KIF13A: variants seen among roughly 807,000 people sequenced by gnomAD.
KIF13A encodes kinesin family member 13A, also known as kinesin-like protein KIF13A.
In KIF13A, 79 loss-of-function variants were observed where a neutral mutation model predicts 212.2. The ratio of observed to expected loss-of-function variants is 0.37; its 90% CI spans 0.31 to 0.45. KIF13A has a LOEUF of 0.45. Among genes scored for constraint, KIF13A ranks in the 20% least tolerant of loss-of-function variants. KIF13A has a pLI of 1.00. For synonymous variants in KIF13A, 789 were observed against 808.6 expected, an observed-to-expected ratio of 0.98 and a Z score of 0.41; for missense variants, 1,901 against 2,209.0, an observed-to-expected ratio of 0.86 and a Z score of 2.79.
rs144218809 is a variant in KIF13A at position 17,968,689 on chromosome 6, T to A, written c.146+18365A>T. 3.7e-3 allele frequency among the ~76,000 whole-genome samples: 564 copies of A among 152,340 alleles called. 1 individual carries two copies. Among genetic ancestry groups the A allele is most frequent in the African/African-American group, 0.013 (525 of 41,582 alleles). ...AACCATTACTTATCTCATGTAGTCC[T>A]AAGCAGCTACAGCCTCTGCCTGTCA... is the stretch of plus-strand genomic sequence containing the variant. On this transcript the variant is annotated intron_variant, in intron 2 of 38. Transcript: ENST00000259711. This position sits in a 1 kb window ranked among gnomAD's most constrained non-coding sequence, Gnocchi z 4.7.
At chr6:17,760,821 G>A (rs544363587), downstream of KIF13A, 27 of 1,611,112 alleles carry the variant, frequency 1.7e-5, no homozygotes, top group African/African-American at 3.1e-4. Context: ...GAACAAAGAC[G>A]CCAAGCTGTG....
At chr6:17,975,102 G>A (rs1029931956) in intron 2 of KIF13A, among the ~76,000 whole-genome samples, 3 of 152,104 alleles carry the variant, frequency 2.0e-5, no homozygotes, top group African/African-American at 7.2e-5. Flanking sequence ...CCAGAACTTT[G>A]AGAGAAAGAG....
chr6:17,949,815 C>T (rs1439776590), intron 2 of KIF13A, among the ~76,000 whole-genome samples: 2 of 151,902 alleles, frequency 1.3e-5, no homozygotes, highest in Non-Finnish European at 2.9e-5. Flanking sequence ...AGTTTTTAAG[C>T]CTAAAGAATG....
intron 2 of KIF13A, among the ~76,000 whole-genome samples, chr6:17,959,725 T>A (rs1017675088): frequency 6.6e-6 from 1 of 152,216 alleles, no homozygotes; most frequent in Non-Finnish European, 1.5e-5. Flanking sequence ...CCTTATTCAA[T>A]TAAAAGCTAT....
chr6:17,759,530 A>T (rs1003085194), downstream of KIF13A: 29 of 152,206 alleles, frequency 1.9e-4, no homozygotes, highest in African/African-American at 6.8e-4. Flanking sequence ...TTGCTCTCAC[A>T]ACACATTTAT....
chr6:17,784,651 A>T (rs1760894434), intron 28 of KIF13A, among the ~76,000 whole-genome samples: 2 of 152,180 alleles, frequency 1.3e-5, no homozygotes, highest in African/African-American at 4.8e-5. Context: ...AACACTTTAC[A>T]CGAGAGAGAC....
intron 4 of KIF13A, among the ~76,000 whole-genome samples, chr6:17,860,889 A>T (rs1768705186): frequency 1.3e-5 from 2 of 152,182 alleles, no homozygotes; most frequent in Admixed American, 1.3e-4. Flanking sequence ...ATGCGTCAAC[A>T]CACTATGTAG....
Position 17,773,480 on chromosome 6 carries a change from T to C in KIF13A, c.4322A>G (p.Glu1441Gly). Residue 1441 changes from glutamate (E) to glycine (G), a missense_variant and splice_region_variant, in exon 36 of 39, where the codon GAA becomes GGA. Transcript: ENST00000259711. This position sits in a 1 kb window ranked among gnomAD's most constrained non-coding sequence, Gnocchi z 4.2. ...LPRDSPRRNK[E>G]GCTSETPHAL... ...CTGCAAAATAATCTCACCACTACCT[T>C]CTTTATTCCTTCGAGGAGAATCCCT... 1.3e-6 allele frequency: 2 copies of C among 1,556,904 alleles called. No individual in the cohort carries two copies. The highest frequency in any genetic ancestry group is 2.2e-5 in the South Asian group (2 of 89,544).
At chr6:17,830,459 CTTTT>C (rs59573286) in intron 13 of KIF13A, among the ~76,000 whole-genome samples, 2 of 151,894 alleles carry the variant, frequency 1.3e-5, no homozygotes, top group African/African-American at 2.4e-5. Context: ...GTCCTTGATA[CTTTT>C]TTTAAGAGTG....
chr6:17,805,416 T>G, intron 19 of KIF13A, 59 bp downstream of exon 19: 2 of 1,337,726 alleles, frequency 1.5e-6, no homozygotes, highest in Non-Finnish European at 2.1e-6. Flanking sequence ...TGTTGCTAAA[T>G]CGCTTATATT....
At chr6:17,973,856 G>A (rs947736207) in intron 2 of KIF13A, among the ~76,000 whole-genome samples, 1 of 152,134 alleles carries the variant, frequency 6.6e-6, no homozygotes, top group African/African-American at 2.4e-5. Flanking sequence ...CATCATTACA[G>A]GACTGGAAAC....
intron 2 of KIF13A, among the ~76,000 whole-genome samples, chr6:17,903,924 G>A (rs2150491699): frequency 6.6e-6 from 1 of 151,938 alleles, no homozygotes; most frequent in Non-Finnish European, 1.5e-5. Context: ...CACTTGAGGT[G>A]GGAGGATCAC....
chr6:17,780,076 C>G (rs1383809726), intron 31 of KIF13A, among the ~76,000 whole-genome samples: 1 of 152,164 alleles, frequency 6.6e-6, no homozygotes, highest in African/African-American at 2.4e-5. Flanking sequence ...ATTGTAGAAG[C>G]ATTACAAGTT....
At chr6:17,958,167 G>A (rs2150581879) in intron 2 of KIF13A, among the ~76,000 whole-genome samples, 1 of 152,270 alleles carries the variant, frequency 6.6e-6, no homozygotes. Context: ...CAGGCACAAG[G>A]AGGGTTTTAC....
intron 4 of KIF13A, among the ~76,000 whole-genome samples, chr6:17,864,398 T>A (rs184957208): frequency 6.6e-6 from 1 of 152,168 alleles, no homozygotes; most frequent in East Asian, 1.9e-4. Context: ...CATAACACAA[T>A]GTCAGAACAA....
At chr6:17,891,755 CCT>C in intron 3 of KIF13A, among the ~76,000 whole-genome samples, 1 of 152,140 alleles carries the variant, frequency 6.6e-6, no homozygotes, top group Admixed American at 6.6e-5. Flanking sequence ...TCGGTGAGAC[CCT>C]GTCTCTTAAA....
At chr6:17,907,938 G>A (rs1048753169) in intron 2 of KIF13A, among the ~76,000 whole-genome samples, 4 of 152,164 alleles carry the variant, frequency 2.6e-5, no homozygotes, top group African/African-American at 9.7e-5. Flanking sequence ...AGACTCAAGC[G>A]TGAATGTAAG....
intron 6 of KIF13A, among the ~76,000 whole-genome samples, chr6:17,854,888 C>A (rs1252294642): frequency 1.3e-5 from 2 of 151,890 alleles, no homozygotes; most frequent in East Asian, 3.9e-4. Flanking sequence ...AAATGGCCCC[C>A]CTTCCTCTAT....
At chr6:17,770,365 T>TTTTTTTTTTTA (rs2150290702) in intron 38 of KIF13A, 1 of 39,800 alleles carries the variant, frequency 2.5e-5, no homozygotes, top group Admixed American at 2.5e-4. Flanking sequence ...AACAGGATTT[T>TTTTTTTTTTTA]TTTTTTTTTT....
Sources: allele counts gnomAD v4.1 joint callset (sites outside exome capture counted in the v4.1 genomes callset), GRCh38; gene constraint gnomAD v4.1.1; non-coding constraint Gnocchi (gnomAD v3.1); transcripts MANE v1.5; gene names NCBI Gene and HGNC (gene_info 2026-07-23, HGNC 2026-07-21).